CDC14A: variants seen among roughly 807,000 people sequenced by gnomAD.
The protein encoded by CDC14A is dual specificity protein phosphatase CDC14A.
A neutral mutation model predicts 74.4 loss-of-function variants in CDC14A; 53 were observed. The observed-to-expected ratio is 0.71, with a 90% CI of 0.57 to 0.89. The LOEUF (loss-of-function observed/expected upper bound fraction) is 0.89. Ranked by LOEUF, CDC14A falls within the 40% of genes least tolerant of loss-of-function variation. The pLI, the probability that CDC14A is intolerant of heterozygous loss-of-function variation, is 0.00. For synonymous variants in CDC14A, 247 were observed against 258.4 expected (o/e 0.96, Z 0.43); for missense variants, 646 against 713.7 (o/e 0.91, Z 1.08).
intron 1 of CDC14A, among the ~76,000 whole-genome samples, chr1:100,345,437 C>A (rs1448516871): frequency 6.6e-6 from 1 of 152,076 alleles, no homozygotes; most frequent in Non-Finnish European, 1.5e-5. Context: ...TACTGTTATT[C>A]TTGTGAGTTA....
chr1:100,457,779 G>A (rs1220657305), intron 8 of CDC14A, among the ~76,000 whole-genome samples: 1 of 151,680 alleles, frequency 6.6e-6, no homozygotes, highest in Non-Finnish European at 1.5e-5. Flanking sequence ...TTTATTTTTG[G>A]ATGAGATCTA....
At chr1:100,449,484 C>T (rs1665907833) in intron 7 of CDC14A, among the ~76,000 whole-genome samples, 1 of 152,170 alleles carries the variant, frequency 6.6e-6, no homozygotes, top group Non-Finnish European at 1.5e-5. Flanking sequence ...CCTCCCCATA[C>T]CCAAATCCAC....
intron 11 of CDC14A, chr1:100,486,056 A>T (rs1433667230): frequency 6.6e-6 from 1 of 152,196 alleles, no homozygotes; most frequent in East Asian, 1.9e-4. Flanking sequence ...CTGAACTAAG[A>T]TTTTAACATG....
chr1:100,456,877 C>A (rs987219857), intron 8 of CDC14A, among the ~76,000 whole-genome samples: 1 of 152,162 alleles, frequency 6.6e-6, no homozygotes, highest in Non-Finnish European at 1.5e-5. Flanking sequence ...ATGGTGAAGT[C>A]AGAATTTGAT....
intron 2 of CDC14A, among the ~76,000 whole-genome samples, chr1:100,366,670 G>A (rs1356465312): frequency 6.6e-6 from 1 of 152,038 alleles, no homozygotes. Context: ...TTGTTCTCCT[G>A]GTAAGGAGAT....
Position 100,484,411 on chromosome 1 carries a change from G to T in CDC14A, c.1097G>T (p.Gly366Val), listed in dbSNP as rs765453233. The T allele has an allele frequency of 1.2e-6, 2 of 1,605,990 alleles. No homozygotes were observed. Among genetic ancestry groups the T allele is most frequent in the South Asian group, 1.1e-5 (1 of 89,430 alleles). The change falls in exon 11 of 16, where the codon GGA becomes GTA. Residue 366 changes from glycine to valine, a missense_variant. Transcript: ENST00000336454. ...GGCCTAGATGATATGTCTATTGGTG[G>T]AAATCTTTCAAAAACACAAAACATG... ...LSGLDDMSIG[G>V]NLSKTQNMER...
chr1:100,451,955 T>C (rs950610557), intron 7 of CDC14A, among the ~76,000 whole-genome samples: 23 of 152,216 alleles, frequency 1.5e-4, no homozygotes, highest in African/African-American at 5.5e-4. Flanking sequence ...GACACCAAGT[T>C]ACAGTCCTTG....
At chr1:100,353,257 G>A (rs1651373653) in intron 1 of CDC14A, among the ~76,000 whole-genome samples, 1 of 152,178 alleles carries the variant, frequency 6.6e-6, no homozygotes, top group African/African-American at 2.4e-5. Flanking sequence ...GCTTCTGCCC[G>A]TACTCCGGCA....
chr1:100,432,356 A>G (rs1663793819), intron 5 of CDC14A, among the ~76,000 whole-genome samples: 1 of 152,260 alleles, frequency 6.6e-6, no homozygotes. Context: ...GGCATTGTCT[A>G]GCTCTGAAGT....
intron 4 of CDC14A, among the ~76,000 whole-genome samples, chr1:100,411,428 T>A (rs1300330224): frequency 6.6e-6 from 1 of 152,232 alleles, no homozygotes; most frequent in Non-Finnish European, 1.5e-5. Context: ...GTTTTTTTTC[T>A]TCAGACAAGA....
chr1:100,491,136 T>C (rs2101396638), intron 11 of CDC14A, among the ~76,000 whole-genome samples: 1 of 152,218 alleles, frequency 6.6e-6, no homozygotes, highest in Middle Eastern at 3.4e-3. Context: ...GGTTAAATAA[T>C]AAAATTAGGC....
chr1:100,385,469 G>T (rs1396243150), intron 3 of CDC14A, among the ~76,000 whole-genome samples: 3 of 152,226 alleles, frequency 2.0e-5, no homozygotes, highest in Non-Finnish European at 4.4e-5. Flanking sequence ...GTGGTTTAGA[G>T]TTAGATTTAG....
At chr1:100,402,493 G>A (rs1008309366) in intron 4 of CDC14A, among the ~76,000 whole-genome samples, 2 of 152,126 alleles carry the variant, frequency 1.3e-5, no homozygotes, top group Admixed American at 6.5e-5. Flanking sequence ...GATATTGAAT[G>A]TATTTGATTG....
At chr1:100,446,540 A>G (rs1304778838) in intron 7 of CDC14A, among the ~76,000 whole-genome samples, 5 of 152,240 alleles carry the variant, frequency 3.3e-5, no homozygotes, top group Admixed American at 2.6e-4. Flanking sequence ...AGTTTTAACA[A>G]TACATTTTAC....
intron 4 of CDC14A, among the ~76,000 whole-genome samples, chr1:100,403,462 G>A (rs967819021): frequency 1.3e-5 from 2 of 152,184 alleles, no homozygotes; most frequent in East Asian, 3.8e-4. Context: ...CATTGAATGA[G>A]CAGGTGATTG....
chr1:100,358,423 A>G (rs1039663021), intron 2 of CDC14A, among the ~76,000 whole-genome samples: 1 of 152,242 alleles, frequency 6.6e-6, no homozygotes, highest in East Asian at 1.9e-4. Flanking sequence ...TGTTCATGGC[A>G]TAGAAAGCCA....
upstream of CDC14A, among the ~76,000 whole-genome samples, chr1:100,347,504 G>C (rs1025716784): frequency 6.6e-6 from 1 of 152,184 alleles, no homozygotes; most frequent in Non-Finnish European, 1.5e-5. Flanking sequence ...GTCTGATACA[G>C]AATGTGGCTG....
At chr1:100,431,176 TGTAA>T (rs1372109366) in intron 5 of CDC14A, among the ~76,000 whole-genome samples, 2 of 152,214 alleles carry the variant, frequency 1.3e-5, no homozygotes, top group East Asian at 1.9e-4. Context: ...GAGAAACAAG[TGTAA>T]GTGTCTCCAT....
At chr1:100,432,894 T>G (rs1234810213) in intron 5 of CDC14A, among the ~76,000 whole-genome samples, 2 of 152,160 alleles carry the variant, frequency 1.3e-5, no homozygotes, top group Admixed American at 6.5e-5. Flanking sequence ...TCTCCTTTAT[T>G]TATTTGTTTT....
Sources: gnomAD v4.1 joint callset for allele counts (sites outside exome capture counted in the v4.1 genomes callset) on GRCh38, gnomAD v4.1.1 for gene constraint, MANE v1.5 for transcripts, NCBI Gene and HGNC (gene_info 2026-07-23, HGNC 2026-07-21) for gene names.